Variants in PARL observed in about 807,000 individuals in gnomAD.
The protein encoded by PARL is presenilin associated rhomboid like, also known as presenilin-associated rhomboid-like protein, mitochondrial.
In PARL, 44 loss-of-function variants were observed where a neutral mutation model predicts 51.6. That is an observed-to-expected ratio of 0.85 (90% CI 0.67 to 1.10). The LOEUF (loss-of-function observed/expected upper bound fraction) is 1.10. Among genes scored for constraint, PARL ranks in the 50% least tolerant of loss-of-function variants. The probability of loss-of-function intolerance (pLI) is 0.00; values close to 1 mark genes in which losing one functional copy is unlikely to be tolerated. For synonymous variants in PARL, 172 were observed against 164.0 expected, an observed-to-expected ratio of 1.05 and a Z score of -0.37; for missense variants, 441 against 469.5, an observed-to-expected ratio of 0.94 and a Z score of 0.56.
At chr3:183,873,411 T>C (rs574699465) in intron 1 of PARL, among the ~76,000 whole-genome samples, 1 of 152,224 alleles carries the variant, frequency 6.6e-6, no homozygotes, top group African/African-American at 2.4e-5. Context: ...TGGTGGCACA[T>C]GCCTGTAATC....
At chr3:183,874,411 CTT>C (rs71629997) in intron 1 of PARL, among the ~76,000 whole-genome samples, 4 of 140,880 alleles carry the variant, frequency 2.8e-5, no homozygotes, top group Admixed American at 7.2e-5. Flanking sequence ...TAGAAATAAT[CTT>C]TTTTTTTTTT....
chr3:183,833,924 G>A, intron 7 of PARL, 99 bp from the exon 8 acceptor site: 1 of 798,624 alleles, frequency 1.3e-6, no homozygotes, highest in Non-Finnish European at 2.2e-6. Context: ...AAGTTTACAT[G>A]CTGCACATTT....
At chr3:183,843,809 C>G (rs1238957308) in intron 5 of PARL, among the ~76,000 whole-genome samples, 1 of 152,020 alleles carries the variant, frequency 6.6e-6, no homozygotes, top group African/African-American at 2.4e-5. Flanking sequence ...CCAGCCGAGC[C>G]AGGCAGATCA....
chr3:183,843,103 C>T (rs12330870), intron 5 of PARL: 267,872 of 558,858 alleles, frequency 0.48, 64,521 homozygotes, highest in Middle Eastern at 0.58. Context: ...AGGCTGGTCT[C>T]GAACTCCTGA....
At chr3:183,873,777 C>T (rs1346189368) in intron 1 of PARL, among the ~76,000 whole-genome samples, 1 of 152,108 alleles carries the variant, frequency 6.6e-6, no homozygotes, top group Non-Finnish European at 1.5e-5. Flanking sequence ...GGAACATAAA[C>T]ACGCTAGGTT....
downstream of PARL, among the ~76,000 whole-genome samples, chr3:183,827,688 A>T (rs572627420): frequency 6.6e-6 from 1 of 152,252 alleles, no homozygotes; most frequent in East Asian, 1.9e-4. Flanking sequence ...CGGGTTTCAG[A>T]CTTCACCGAT....
intron 1 of PARL, among the ~76,000 whole-genome samples, chr3:183,876,610 T>TAAAAAA (rs576376716): frequency 2.3e-3 from 211 of 91,688 alleles, no homozygotes; most frequent in Non-Finnish European, 3.3e-3. Context: ...ATACATTTTG[T>TAAAAAA]AAAAAAAAAA....
chr3:183,864,204 T>C (rs1388368659), intron 3 of PARL, among the ~76,000 whole-genome samples: 3 of 152,320 alleles, frequency 2.0e-5, no homozygotes, highest in Non-Finnish European at 4.4e-5. Context: ...TTCTTGAATG[T>C]GCCCATGGGA....
intron 4 of PARL, among the ~76,000 whole-genome samples, chr3:183,848,343 A>G (rs1417954490): frequency 6.6e-6 from 1 of 152,002 alleles, no homozygotes; most frequent in Admixed American, 6.6e-5. Flanking sequence ...CCGGGTTCAC[A>G]CCATTCTCCT....
At chr3:183,839,404 A>G (rs538047292) in intron 7 of PARL, among the ~76,000 whole-genome samples, 1 of 152,038 alleles carries the variant, frequency 6.6e-6, no homozygotes, top group Non-Finnish European at 1.5e-5. Context: ...ACTTAAAAAA[A>G]TTTTTTTTCT....
chr3:183,837,999 CAT>C (rs1345053699), intron 7 of PARL, among the ~76,000 whole-genome samples: 1 of 149,906 alleles, frequency 6.7e-6, no homozygotes, highest in Non-Finnish European at 1.5e-5. Flanking sequence ...AATTTACAAA[CAT>C]ATTTTAACAG....
intron 7 of PARL, among the ~76,000 whole-genome samples, chr3:183,835,226 A>G (rs1728435091): frequency 1.3e-5 from 2 of 151,964 alleles, no homozygotes; most frequent in Non-Finnish European, 1.5e-5. Flanking sequence ...CATTAAAAAG[A>G]AAGGTTCCTA....
intron 4 of PARL, among the ~76,000 whole-genome samples, chr3:183,861,043 T>A (rs893301436): frequency 6.6e-6 from 1 of 152,202 alleles, no homozygotes; most frequent in Non-Finnish European, 1.5e-5. Context: ...CTCTGACTCC[T>A]GACCTCAGGT....
chr3:183,842,348 A>G lies in PARL; in HGVS notation c.707T>C (p.Ile236Thr), dbSNP rs1430040603. 1 of 1,613,578 alleles carries G rather than the reference A, an allele frequency of 6.2e-7. No individual in the cohort carries two copies. Among genetic ancestry groups the G allele is most frequent in the East Asian group, 2.2e-5 (1 of 44,888 alleles). Residue 236 changes from isoleucine (I) to threonine (T), a missense_variant, in exon 6 of 10, where the codon ATA becomes ACA. Transcript: ENST00000317096. ...CTGCTCTTGACCCAGAATGTTCACT[A>G]TGCTGGAAGAGAAGCTCCACAAAAC... ...MYVLWSFSSS[I>T]VNILGQEQFM...
chr3:183,884,088 T>TA (rs750648362), intron 1 of PARL, among the ~76,000 whole-genome samples: 5 of 152,174 alleles, frequency 3.3e-5, no homozygotes, highest in Non-Finnish European at 5.9e-5. Context: ...ATTTCTCTCT[T>TA]CTCTCTCAAA....
At chr3:183,826,846 G>A (rs1727450615), downstream of PARL, 10 of 875,004 alleles carry the variant, frequency 1.1e-5, no homozygotes, top group African/African-American at 1.8e-5. Flanking sequence ...TCTCCATCTC[G>A]CAGGAAAAGA....
chr3:183,849,802 A>AAAAAAG (rs1730353645), intron 4 of PARL, among the ~76,000 whole-genome samples: 1 of 152,168 alleles, frequency 6.6e-6, no homozygotes, highest in South Asian at 2.1e-4. Context: ...GAGATTTGCT[A>AAAAAAG]AAAAAGAAAA....
At position 183,867,987 on chromosome 3, in the gene PARL, G is replaced by A. The variant is rs1732732134; in HGVS notation, c.199C>T (p.Pro67Ser). The change falls in exon 2 of 10, where the codon CCA (proline) becomes TCA (serine). Residue 67 changes from proline (P) to serine (S), a missense_variant. Transcript: ENST00000317096. The stretch of plus-strand genomic sequence containing the variant: ...TTGTATGCTTCACCACTTGTCCCTG[G>A]GTCTGATCTTCGAGGTTCAACCTTC... ...PRKVEPRRSDPGTSGEAYKRS... is the reference protein window; with the variant it reads ...PRKVEPRRSDSGTSGEAYKRS... The A allele has an allele frequency of 1.2e-6, 2 of 1,613,880 alleles. No homozygotes were observed. The highest frequency in any genetic ancestry group is 1.1e-5 in the South Asian group (1 of 91,082).
At chr3:183,865,429 T>C (rs1371284696) in intron 3 of PARL, among the ~76,000 whole-genome samples, 1 of 152,198 alleles carries the variant, frequency 6.6e-6, no homozygotes, top group African/African-American at 2.4e-5. Context: ...TGACCACTAG[T>C]GGTCCGTGGC....
Sources: gnomAD v4.1 joint callset for allele counts (sites outside exome capture counted in the v4.1 genomes callset) on GRCh38, gnomAD v4.1.1 for gene constraint, MANE v1.5 for transcripts, NCBI Gene and HGNC (gene_info 2026-07-23, HGNC 2026-07-21) for gene names.